ANKH: variants seen among roughly 807,000 people sequenced by gnomAD.
ANKH encodes mineralization regulator ANKH.
Under a neutral mutation model 49.0 loss-of-function variants are expected in ANKH, and 15 were observed. The observed-to-expected ratio is 0.31, with a 90% CI of 0.20 to 0.47. ANKH has a LOEUF of 0.47. Ranked by LOEUF, ANKH falls within the 20% of genes least tolerant of loss-of-function variation. The pLI, the probability that ANKH is intolerant of heterozygous loss-of-function variation, is 1.00. For synonymous variants in ANKH, 273 were observed against 260.0 expected, an observed-to-expected ratio of 1.05 and a Z score of -0.48; for missense variants, 429 against 652.0, an observed-to-expected ratio of 0.66 and a Z score of 3.72.
chr5:14,826,590 G>A (rs1450571871), intron 1 of ANKH, among the ~76,000 whole-genome samples: 1 of 152,110 alleles, frequency 6.6e-6, no homozygotes, highest in Non-Finnish European at 1.5e-5. Context: ...AAATAAGTAT[G>A]TCAAGTTCTT....
At chr5:14,826,291 A>G (rs1359848938) in intron 1 of ANKH, among the ~76,000 whole-genome samples, 2 of 152,224 alleles carry the variant, frequency 1.3e-5, no homozygotes, top group Non-Finnish European at 2.9e-5. Context: ...ATTAAGTCTC[A>G]AGCTGTATAT....
At position 14,798,185 on chromosome 5, in the gene ANKH, T is replaced by C. The variant is rs574254481; in HGVS notation, c.97-28994A>G. On this transcript the variant is annotated intron_variant, in intron 1 of 11. Transcript: ENST00000284268. ...TAACAAGATGGTTTTGTTCATCCGA[T>C]GTGTGTGTCCCCAGGACAAGTCGAT... is the stretch of plus-strand genomic sequence containing the variant. The C allele has an allele frequency of 4.0e-5, 64 of 1,580,554 alleles. 1 individual carries two copies. In the African/African-American group the frequency reaches 6.5e-4, roughly 16 times the overall value.
chr5:14,796,410 G>A (rs1740387074), intron 1 of ANKH, among the ~76,000 whole-genome samples: 1 of 147,072 alleles, frequency 6.8e-6, no homozygotes, highest in South Asian at 2.1e-4. Context: ...TGGTATACCT[G>A]TCAGGTAAAA....
At chr5:14,805,059 C>A (rs1306881583) in intron 1 of ANKH, among the ~76,000 whole-genome samples, 3 of 152,046 alleles carry the variant, frequency 2.0e-5, no homozygotes, top group South Asian at 2.1e-4. Context: ...GATGTGTCTG[C>A]GAGGGTGTTG....
At chr5:14,715,371 T>C (rs1737409798) in intron 9 of ANKH, among the ~76,000 whole-genome samples, 2 of 152,210 alleles carry the variant, frequency 1.3e-5, no homozygotes, top group East Asian at 1.9e-4. Context: ...CCTCAGATGA[T>C]CCACCTGCCT....
chr5:14,844,050 C>T (rs1741890170), intron 1 of ANKH, among the ~76,000 whole-genome samples: 1 of 152,176 alleles, frequency 6.6e-6, no homozygotes, highest in Non-Finnish European at 1.5e-5. Context: ...GTCAAGTTCC[C>T]ATTCACCGTA....
chr5:14,832,717 G>A (rs1741538875), intron 1 of ANKH, among the ~76,000 whole-genome samples: 1 of 152,200 alleles, frequency 6.6e-6, no homozygotes, highest in African/African-American at 2.4e-5. Flanking sequence ...TTATTTGCCT[G>A]TAGAGTTTGT....
chr5:14,817,267 C>T (rs986321010), intron 1 of ANKH, among the ~76,000 whole-genome samples: 4 of 151,802 alleles, frequency 2.6e-5, no homozygotes, highest in Admixed American at 6.6e-5. Context: ...GCGTGAGGCT[C>T]GTTGATGGTG....
intron 7 of ANKH, among the ~76,000 whole-genome samples, chr5:14,743,464 G>A (rs895923214): frequency 6.6e-6 from 1 of 152,230 alleles, no homozygotes; most frequent in South Asian, 2.1e-4. Context: ...TGGAGTTTCA[G>A]TTTGTTTGCC....
At chr5:14,851,245 G>A (rs938249623) in intron 1 of ANKH, among the ~76,000 whole-genome samples, 19 of 152,184 alleles carry the variant, frequency 1.2e-4, no homozygotes, top group Admixed American at 4.6e-4. Flanking sequence ...GGCTATCTGC[G>A]GCTCTGCCTC....
intron 1 of ANKH, chr5:14,868,948 A>T (rs890053223): frequency 6.6e-6 from 1 of 151,876 alleles, no homozygotes; most frequent in African/African-American, 2.4e-5. Flanking sequence ...TGGCCTTTGT[A>T]CTCCCGTGCT....
At chr5:14,719,379 G>A (rs1737592334) in intron 8 of ANKH, among the ~76,000 whole-genome samples, 1 of 152,232 alleles carries the variant, frequency 6.6e-6, no homozygotes, top group Admixed American at 6.5e-5. Context: ...CAAGGCAAGT[G>A]AGCCATGGAG....
Position 14,745,899 on chromosome 5 carries a change from T to C in ANKH, c.886A>G (p.Ile296Val), listed in dbSNP as rs143724823. Residue 296 changes from isoleucine to valine, a missense_variant, in exon 7 of 12, where the codon ATC (isoleucine) becomes GTC (valine). Transcript: ENST00000284268. This position sits in a 1 kb window ranked among gnomAD's most constrained non-coding sequence, Gnocchi z 4.7. ...GHMPYGWLTE[I>V]RAVYPAFDKN... ...TCGAAAGCAGGATACACAGCACGGATTTCCGTCAACCAGCCGTATGGCATG... is the reference window on the plus strand; with the variant it reads ...TCGAAAGCAGGATACACAGCACGGACTTCCGTCAACCAGCCGTATGGCATG... 7 of 1,614,206 alleles carry C rather than the reference T, an allele frequency of 4.3e-6. No individual in the cohort carries two copies. Among genetic ancestry groups the C allele is most frequent in the Non-Finnish European group, 5.1e-6 (6 of 1,180,024 alleles).
chr5:14,724,607 G>T, intron 8 of ANKH: 5 of 985,190 alleles, frequency 5.1e-6, no homozygotes, highest in Non-Finnish European at 6.0e-6. Flanking sequence ...AAGAACCACG[G>T]AAGGGGGATT....
At chr5:14,817,476 A>G (rs1741074604) in intron 1 of ANKH, among the ~76,000 whole-genome samples, 1 of 152,124 alleles carries the variant, frequency 6.6e-6, no homozygotes, top group Non-Finnish European at 1.5e-5. Context: ...ATGGAGTACA[A>G]TTGTCATGTT....
intron 8 of ANKH, among the ~76,000 whole-genome samples, chr5:14,720,049 G>A (rs1463539790): frequency 6.6e-6 from 1 of 152,030 alleles, no homozygotes; most frequent in Non-Finnish European, 1.5e-5. Context: ...TTTAGGCTCT[G>A]AGTACACTAA....
At chr5:14,813,515 A>ATAT (rs1003999722) in intron 1 of ANKH, among the ~76,000 whole-genome samples, 14 of 152,220 alleles carry the variant, frequency 9.2e-5, no homozygotes, top group African/African-American at 3.1e-4. Flanking sequence ...ACAAATTAAA[A>ATAT]TATGCAACAG....
At chr5:14,765,318 T>A (rs894743999) in intron 2 of ANKH, among the ~76,000 whole-genome samples, 4 of 152,196 alleles carry the variant, frequency 2.6e-5, no homozygotes, top group African/African-American at 9.7e-5. Context: ...TGGGTGTGCA[T>A]AGTATGGACA....
chr5:14,829,710 T>C (rs1741449699), intron 1 of ANKH, among the ~76,000 whole-genome samples: 1 of 152,152 alleles, frequency 6.6e-6, no homozygotes, highest in South Asian at 2.1e-4. Flanking sequence ...AATCATTACA[T>C]AAAAAGATTT....
Sources: gnomAD v4.1 joint callset for allele counts (sites outside exome capture counted in the v4.1 genomes callset) on GRCh38, gnomAD v4.1.1 for gene constraint, Gnocchi (gnomAD v3.1) non-coding constraint, MANE v1.5 for transcripts, NCBI Gene and HGNC (gene_info 2026-07-23, HGNC 2026-07-21) for gene names.